The following RABGAP1L variants were observed in gnomAD, a reference collection of about 807,000 sequenced individuals.
The protein encoded by RABGAP1L is rab GTPase-activating protein 1-like.
In RABGAP1L, 63 loss-of-function variants were observed where a neutral mutation model predicts 137.7. That is an observed-to-expected ratio of 0.46 (90% CI 0.37 to 0.56). RABGAP1L has a LOEUF of 0.56. RABGAP1L is among the 20% of genes least tolerant of loss of function. RABGAP1L has a pLI of 0.00. For synonymous variants in RABGAP1L, 431 were observed against 433.7 expected, an observed-to-expected ratio of 0.99 and a Z score of 0.08; for missense variants, 1,095 against 1,244.0, an observed-to-expected ratio of 0.88 and a Z score of 1.80.
chr1:174,475,377 T>C (rs1051453349), intron 13 of RABGAP1L, among the ~76,000 whole-genome samples: 2 of 152,168 alleles, frequency 1.3e-5, no homozygotes, highest in African/African-American at 4.8e-5. Flanking sequence ...TCTTCTCAGA[T>C]ATTGTGACTG....
At chr1:174,979,005 C>T in intron 23 of RABGAP1L, 115 bp downstream of exon 23, 2 of 1,292,448 alleles carry the variant, frequency 1.5e-6, no homozygotes, top group Middle Eastern at 2.8e-4. Flanking sequence ...ATAGCAGGAC[C>T]CCATATCTAC....
intron 13 of RABGAP1L, among the ~76,000 whole-genome samples, chr1:174,605,326 C>G (rs1169168630): frequency 1.1e-4 from 17 of 152,128 alleles, no homozygotes; most frequent in Non-Finnish European, 2.5e-4. Flanking sequence ...CTATCATAAG[C>G]AGATGTTATT....
intron 18 of RABGAP1L, among the ~76,000 whole-genome samples, chr1:174,766,911 C>T (rs79025826): frequency 0.022 from 3,369 of 152,310 alleles, 55 homozygotes; most frequent in Middle Eastern, 0.085. Context: ...TCTCTCCAAG[C>T]CTGCTATCTG....
At chr1:174,786,641 CTTTA>C (rs1687466061) in intron 18 of RABGAP1L, among the ~76,000 whole-genome samples, 1 of 152,084 alleles carries the variant, frequency 6.6e-6, no homozygotes, top group Non-Finnish European at 1.5e-5. Context: ...TAACGTTGAC[CTTTA>C]TTTATTTTCT....
At chr1:174,873,651 C>T (rs1253740419) in intron 19 of RABGAP1L, among the ~76,000 whole-genome samples, 2 of 151,694 alleles carry the variant, frequency 1.3e-5, no homozygotes, top group African/African-American at 4.8e-5. Context: ...GCTGGGTCTA[C>T]AGGCGCGCGC....
At chr1:174,745,144 G>A (rs1294575612) in intron 17 of RABGAP1L, among the ~76,000 whole-genome samples, 1 of 152,130 alleles carries the variant, frequency 6.6e-6, no homozygotes, top group Non-Finnish European at 1.5e-5. Flanking sequence ...TACCACTTTG[G>A]TGATTCTTGG....
intron 1 of RABGAP1L, among the ~76,000 whole-genome samples, chr1:174,209,260 G>T (rs1407311296): frequency 6.6e-6 from 1 of 152,162 alleles, no homozygotes; most frequent in Non-Finnish European, 1.5e-5. Context: ...TGGCCTGGGG[G>T]TTGGGGATGA....
intron 11 of RABGAP1L, among the ~76,000 whole-genome samples, chr1:174,350,046 C>T (rs1355736995): frequency 4.0e-5 from 5 of 125,376 alleles, no homozygotes; most frequent in Non-Finnish European, 6.9e-5. Flanking sequence ...CGGGCAGAGG[C>T]GCCCCTCACC....
chr1:174,655,366 G>A (rs748514191), intron 14 of RABGAP1L, among the ~76,000 whole-genome samples: 7 of 152,158 alleles, frequency 4.6e-5, no homozygotes, highest in South Asian at 4.2e-4. Flanking sequence ...TGATGCTTTC[G>A]AAGATTACAG....
intron 17 of RABGAP1L, among the ~76,000 whole-genome samples, chr1:174,733,315 C>G (rs1453938086): frequency 2.0e-5 from 3 of 152,224 alleles, no homozygotes; most frequent in Non-Finnish European, 4.4e-5. Flanking sequence ...GCCTCCCTCT[C>G]CAGCTTCATC....
intron 14 of RABGAP1L, among the ~76,000 whole-genome samples, chr1:174,660,070 A>T (rs1469162057): frequency 6.6e-6 from 1 of 152,212 alleles, no homozygotes; most frequent in African/African-American, 2.4e-5. Context: ...AAGAGACAGA[A>T]CAACAGTATC....
At chr1:174,946,917 A>AAAAT (rs1553290951) in intron 19 of RABGAP1L, among the ~76,000 whole-genome samples, 4 of 59,822 alleles carry the variant, frequency 6.7e-5, no homozygotes, top group Admixed American at 2.3e-4. Flanking sequence ...AAAAAAAAAA[A>AAAAT]ATATATATAT....
At chr1:174,377,064 C>A (rs1476806309) in intron 12 of RABGAP1L, among the ~76,000 whole-genome samples, 2 of 151,876 alleles carry the variant, frequency 1.3e-5, no homozygotes, top group Non-Finnish European at 1.5e-5. Flanking sequence ...TATACACTGG[C>A]AGTGAAAAAT....
At chr1:174,877,399 T>C in intron 19 of RABGAP1L, 5 of 1,565,314 alleles carry the variant, frequency 3.2e-6, no homozygotes, top group Non-Finnish European at 4.3e-6. Flanking sequence ...CAGGTGGGTG[T>C]GTACACTGGC....
chr1:174,602,341 G>A (rs1473750018), intron 13 of RABGAP1L, among the ~76,000 whole-genome samples: 2 of 152,092 alleles, frequency 1.3e-5, no homozygotes, highest in African/African-American at 2.4e-5. Flanking sequence ...AAGCAAAAGC[G>A]GAAACCCCTG....
chr1:174,800,539 C>A, intron 18 of RABGAP1L: 1 of 1,535,136 alleles, frequency 6.5e-7, no homozygotes, highest in South Asian at 1.2e-5. Context: ...TGTAGGGAAT[C>A]TGCTATCCTC....
chr1:174,508,689 G>A (rs951266226), intron 13 of RABGAP1L, among the ~76,000 whole-genome samples: 11 of 152,044 alleles, frequency 7.2e-5, no homozygotes, highest in African/African-American at 1.2e-4. Flanking sequence ...TAATGTATCC[G>A]TGAGACACAT....
intron 4 of RABGAP1L, among the ~76,000 whole-genome samples, chr1:174,238,042 C>G (rs1190376772): frequency 6.6e-6 from 1 of 151,972 alleles, no homozygotes; most frequent in African/African-American, 2.4e-5. Context: ...TGCTGATACC[C>G]TTTCTTCCAG....
chr1:174,724,362 G>A (rs775394919), intron 17 of RABGAP1L, among the ~76,000 whole-genome samples: 2 of 152,136 alleles, frequency 1.3e-5, no homozygotes, highest in Non-Finnish European at 2.9e-5. Flanking sequence ...ACTTTTAAAG[G>A]CATTGAAAGG....
Sources: allele counts gnomAD v4.1 joint callset (sites outside exome capture counted in the v4.1 genomes callset), GRCh38; gene constraint gnomAD v4.1.1; transcripts MANE v1.5; gene names NCBI Gene and HGNC (gene_info 2026-07-23, HGNC 2026-07-21).